Variants in HSD17B3 observed in about 807,000 individuals in gnomAD.
The protein encoded by HSD17B3 is hydroxysteroid 17-beta dehydrogenase 3.
A neutral mutation model predicts 41.1 loss-of-function variants in HSD17B3; 29 were observed. That is an observed-to-expected ratio of 0.71 (90% confidence interval 0.53 to 0.96). The LOEUF (loss-of-function observed/expected upper bound fraction) is 0.96. Ranked by LOEUF, HSD17B3 falls within the 40% of genes least tolerant of loss-of-function variation. The pLI is 0.00. For missense variants in HSD17B3, 323 were observed against 374.6 expected (o/e 0.86, Z 1.14); for synonymous variants, 126 against 145.6 (o/e 0.87, Z 0.97).
Position 96,245,169 on chromosome 9 carries a change from G to A in HSD17B3, c.606+176C>T, listed in dbSNP as rs557007311. ...CACCGCAGGGCTTCGTGTGCCCAGA[G>A]CAGGTGCTTTATTCTAATTTTCTCT... On this transcript the variant is annotated intron_variant, in intron 8 of 10. Coordinates refer to ENST00000375263, the MANE Select transcript of HSD17B3 (RefSeq NM_000197.2). Among the ~76,000 whole-genome samples, 6 of 152,310 alleles carry A rather than the reference G, an allele frequency of 3.9e-5. No individual in the cohort carries two copies. In the East Asian group the frequency reaches 1.2e-3, roughly 29 times the overall value.
chr9:96,262,390 C>A (rs1266815872), intron 2 of HSD17B3, among the ~76,000 whole-genome samples: 2 of 151,464 alleles, frequency 1.3e-5, no homozygotes, highest in African/African-American at 4.9e-5. Flanking sequence ...ATTACAGGTG[C>A]CCACCACCAC....
chr9:96,248,215 T>C (rs1836750708), intron 6 of HSD17B3, among the ~76,000 whole-genome samples: 1 of 151,990 alleles, frequency 6.6e-6, no homozygotes, highest in Non-Finnish European at 1.5e-5. Context: ...AGCTGGGGGC[T>C]CCAAAAAGCC....
Position 96,246,549 on chromosome 9 carries a change from G to A in HSD17B3, c.524+7C>T. The A allele has an allele frequency of 6.2e-7, 1 of 1,613,928 alleles. No homozygotes were observed. Among genetic ancestry groups the A allele is most frequent in the Non-Finnish European group, 8.5e-7 (1 of 1,179,866 alleles). The stretch of plus-strand genomic sequence containing the variant: ...GTTGCTCCACACTTTTTTGAAGAAG[G>A]CCTTACCTTGATTCCATATGTTTCA... On this transcript the variant is annotated splice_region_variant and intron_variant, in intron 7 of 10. Coordinates refer to ENST00000375263, the MANE Select transcript of HSD17B3 (RefSeq NM_000197.2).
intron 8 of HSD17B3, among the ~76,000 whole-genome samples, chr9:96,244,919 A>C (rs963593031): frequency 6.6e-6 from 1 of 152,028 alleles, no homozygotes; most frequent in African/African-American, 2.4e-5. Context: ...TCAGCAGGAA[A>C]ATCTGTTTTG....
At position 96,236,003 on chromosome 9, in the gene HSD17B3, T is replaced by C. The variant is rs376954825; in HGVS notation, c.823-433A>G. On this transcript the variant is annotated intron_variant, in intron 10 of 10. Coordinates refer to ENST00000375263, the MANE Select transcript of HSD17B3 (RefSeq NM_000197.2). ...TCTTTTTTTTTTTTCAGAGACAGAG[T>C]CTCACTATGTTGCCCAGGCTGTTCT... is the stretch of plus-strand genomic sequence containing the variant. Among the ~76,000 whole-genome samples, 31 of 150,260 alleles carry C rather than the reference T, an allele frequency of 2.1e-4. No individual in the cohort carries two copies. The East Asian group carries it at 4.0e-3, about 19-fold the overall frequency.
In HSD17B3 at chr9:96,255,367, C is replaced by CTTTTTTTTTTTTTTTTTTTTTT. The variant is rs869145717; in HGVS notation, c.202-446_202-425dup. Among the ~76,000 whole-genome samples the CTTTTTTTTTTTTTTTTTTTTTT allele has an allele frequency of 1.8e-4, 10 of 54,566 alleles. 2 individuals carry two copies. The highest frequency in any genetic ancestry group is 2.7e-4 in the Non-Finnish European group (8 of 29,474). The allele number at this position is 54,566 out of a possible 152,430, so 35.8% of individuals were successfully genotyped here. On this transcript the variant is annotated intron_variant, in intron 2 of 10. Coordinates refer to ENST00000375263, the MANE Select transcript of HSD17B3 (RefSeq NM_000197.2). ...AAGCAGTGTTTCTGCCCCAACATTT[C>CTTTTTTTTTTTTTTTTTTTTTT]TTTTTTTTTTTTTTTTTTTTTTTTT...
chr9:96,301,343 CCG>C, intron 1 of HSD17B3, among the ~76,000 whole-genome samples: 1 of 151,114 alleles, frequency 6.6e-6, no homozygotes, highest in Admixed American at 6.6e-5. Flanking sequence ...GTTGGGGAGG[CCG>C]AGTCGGGTGA....
intron 2 of HSD17B3, among the ~76,000 whole-genome samples, chr9:96,272,730 A>C (rs1826312762): frequency 6.6e-6 from 1 of 151,844 alleles, no homozygotes; most frequent in Admixed American, 6.6e-5. Context: ...CCAGAAAAAT[A>C]AAGACTTATG....
chr9:96,259,824 A>G (rs1483247347), intron 2 of HSD17B3, among the ~76,000 whole-genome samples: 1 of 152,164 alleles, frequency 6.6e-6, no homozygotes, highest in Admixed American at 6.5e-5. Flanking sequence ...ATTGTGAATG[A>G]GAGCTCTTTA....
At chr9:96,276,107 T>TAAAAAAAAAAAAAAA (rs57386167) in intron 2 of HSD17B3, among the ~76,000 whole-genome samples, 6 of 41,130 alleles carry the variant, frequency 1.5e-4, no homozygotes, top group African/African-American at 2.0e-4. Flanking sequence ...TCCTGTCTCA[T>TAAAAAAAAAAAAAAA]AAAAAAAAAA....
At position 96,252,784 on chromosome 9, in the gene HSD17B3, C is replaced by A. The variant is rs758639830; in HGVS notation, c.385+19G>T. On this transcript the variant is annotated intron_variant, in intron 4 of 10. Transcript: ENST00000375263. ...CACTGATGTATGACAACAAGCTTTG[C>A]ATCTTGCAATTTACTCACCTAAAAT... 5 of 1,259,002 alleles carry A rather than the reference C, an allele frequency of 4.0e-6. No homozygotes were observed. In the East Asian group the frequency reaches 1.2e-4, roughly 29 times the overall value. 78.0% of individuals were successfully genotyped at this position (1,259,002 alleles called of 1,614,324 possible).
intron 1 of HSD17B3, 27 bp from the exon 2 acceptor site, chr9:96,298,489 A>G: frequency 1.2e-6 from 2 of 1,602,300 alleles, no homozygotes; most frequent in Non-Finnish European, 1.7e-6. Flanking sequence ...TGCTTTTAAA[A>G]GACAGAATTC....
chr9:96,245,850 G>A (rs1836641949), intron 7 of HSD17B3, among the ~76,000 whole-genome samples: 1 of 152,220 alleles, frequency 6.6e-6, no homozygotes, highest in African/African-American at 2.4e-5. Flanking sequence ...GATGTCACAT[G>A]GTGGAATATT....
At chr9:96,300,047 G>A (rs1180627540) in intron 1 of HSD17B3, among the ~76,000 whole-genome samples, 1 of 150,482 alleles carries the variant, frequency 6.6e-6, no homozygotes, top group Non-Finnish European at 1.5e-5. Context: ...TTTTAGAAGG[G>A]CTTTCCCTAC....
At chr9:96,299,881 C>T (rs1441710675) in intron 1 of HSD17B3, among the ~76,000 whole-genome samples, 5 of 152,064 alleles carry the variant, frequency 3.3e-5, no homozygotes, top group Non-Finnish European at 5.9e-5. Context: ...TATATTATCT[C>T]CCTGATATCT....
chr9:96,257,450 C>T (rs1039441183), intron 2 of HSD17B3, among the ~76,000 whole-genome samples: 10 of 148,072 alleles, frequency 6.8e-5, no homozygotes, highest in Non-Finnish European at 1.3e-4. Flanking sequence ...CTCTAACTAT[C>T]TCTGCATTTA....
intron 10 of HSD17B3, among the ~76,000 whole-genome samples, chr9:96,235,877 C>T (rs1187912444): frequency 6.6e-6 from 1 of 152,060 alleles, no homozygotes; most frequent in Non-Finnish European, 1.5e-5. Context: ...ACGATCACGA[C>T]TTACTGCAGC....
intron 2 of HSD17B3, among the ~76,000 whole-genome samples, chr9:96,287,703 C>T (rs1241616795): frequency 1.3e-5 from 2 of 151,738 alleles, no homozygotes; most frequent in African/African-American, 4.9e-5. Flanking sequence ...GAGCGAGACT[C>T]CGTCTCTAAA....
chr9:96,282,407 G>A (rs1210724252), intron 2 of HSD17B3, among the ~76,000 whole-genome samples: 1 of 152,126 alleles, frequency 6.6e-6, no homozygotes, highest in African/African-American at 2.4e-5. Flanking sequence ...AAAAATATTG[G>A]TAAAATAAAG....
Sources: allele counts gnomAD v4.1 joint callset (sites outside exome capture counted in the v4.1 genomes callset), GRCh38; gene constraint gnomAD v4.1.1; transcripts MANE v1.5; gene names NCBI Gene and HGNC (gene_info 2026-07-23, HGNC 2026-07-21).